CLASP2: variants seen among roughly 807,000 people sequenced by gnomAD.
CLASP2 encodes CLIP-associating protein 2.
CLASP2 carries 47 observed loss-of-function variants against 194.4 expected under a neutral mutation model. The ratio of observed to expected loss-of-function variants is 0.24; its 90% CI spans 0.19 to 0.31. CLASP2 has a LOEUF of 0.31. Ranked by LOEUF, CLASP2 falls within the 10% of genes least tolerant of loss-of-function variation. The probability of loss-of-function intolerance (pLI) is 1.00; values close to 1 mark genes in which losing one functional copy is unlikely to be tolerated. For missense variants in CLASP2, 1,445 were observed against 1,823.6 expected (o/e 0.79, Z 3.78); for synonymous variants, 619 against 633.5 (o/e 0.98, Z 0.34).
chr3:33,684,494 A>G (rs941671541), intron 5 of CLASP2, 38 bp from the exon 6 acceptor site: 2 of 1,340,178 alleles, frequency 1.5e-6, no homozygotes, highest in Non-Finnish European at 2.1e-6. Context: ...AAACTTATAT[A>G]TGATACAATA....
chr3:33,591,362 C>T (rs567589430), intron 21 of CLASP2, among the ~76,000 whole-genome samples: 16 of 152,328 alleles, frequency 1.1e-4, no homozygotes, highest in Non-Finnish European at 7.3e-5. Context: ...CCTGTAATCC[C>T]AGCACTCTGG....
chr3:33,694,300 G>A (rs1181904164), intron 2 of CLASP2, among the ~76,000 whole-genome samples: 2 of 152,206 alleles, frequency 1.3e-5, no homozygotes, highest in Admixed American at 1.3e-4. Context: ...AGTGTTGGGA[G>A]TCAAACTAGA....
intron 38 of CLASP2, among the ~76,000 whole-genome samples, chr3:33,500,564 T>C (rs2046613294): frequency 6.6e-6 from 1 of 151,480 alleles, no homozygotes; most frequent in Non-Finnish European, 1.5e-5. Flanking sequence ...TGCATTTTTC[T>C]ATTTTTTTTA....
intron 30 of CLASP2, among the ~76,000 whole-genome samples, chr3:33,545,962 T>G (rs943534989): frequency 7.9e-5 from 12 of 151,946 alleles, no homozygotes; most frequent in Non-Finnish European, 2.9e-5. Flanking sequence ...CAAAGAAGTG[T>G]AAGTTGTGTG....
chr3:33,659,189 G>A, intron 7 of CLASP2: 2 of 1,369,230 alleles, frequency 1.5e-6, no homozygotes, highest in Non-Finnish European at 1.9e-6. Flanking sequence ...GGGTCTTGCT[G>A]AAAACCCTCG....
Position 33,501,703 on chromosome 3 carries a change from C to A in CLASP2, c.4383G>T (p.Ala1461=), listed in dbSNP as rs111990025. 6.2e-7 allele frequency: 1 copy of A among 1,613,586 alleles called. No homozygotes were observed. Among genetic ancestry groups the A allele is most frequent in the East Asian group, 2.2e-5 (1 of 44,858 alleles). Reference sequence around the variant, plus strand: ...GTGGTTTTAGTTCATCACCAATTACCGCATGAACAGCCACCAGGCAGAAGA... The same window carrying A: ...GTGGTTTTAGTTCATCACCAATTACAGCATGAACAGCCACCAGGCAGAAGA... ...ACVFCLVAVH[A]VIGDELKPHL... is the part of the protein sequence containing the mutation. Residue 1461 remains alanine, a synonymous_variant, in exon 38 of 39, where the codon GCG becomes GCT. Coordinates refer to ENST00000682230, the MANE Select transcript of CLASP2 (RefSeq NM_001365631.1).
intron 37 of CLASP2, chr3:33,505,266 CAAA>C (rs60740364): frequency 0.092 from 13,445 of 146,700 alleles, 694 homozygotes; most frequent in East Asian, 0.18. Context: ...ACAACAACAA[CAAA>C]ACATAACCAC....
rs140902652 is a variant in CLASP2, at chr3:33,687,829, C to G, written c.470+448G>C. ...ACGGCAGCCAGAACTCTACACACAG[C>G]TACCAGCCTCACTGTCCAGTTACCT... On this transcript the variant is annotated intron_variant, in intron 4 of 38. Transcript: ENST00000682230. Among the ~76,000 whole-genome samples, 1,297 of 152,318 alleles carry G rather than the reference C, an allele frequency of 8.5e-3. 20 individuals carry two copies. The highest frequency in any genetic ancestry group is 0.028 in the African/African-American group (1,171 of 41,562).
At chr3:33,708,510 ATATATG>A (rs1380015925) in intron 1 of CLASP2, among the ~76,000 whole-genome samples, 11 of 118,852 alleles carry the variant, frequency 9.3e-5, no homozygotes, top group African/African-American at 4.0e-4. Context: ...ATATATGTAT[ATATATG>A]TATATATGTA....
At chr3:33,623,708 A>T (rs147011460) in intron 10 of CLASP2, among the ~76,000 whole-genome samples, 2 of 152,186 alleles carry the variant, frequency 1.3e-5, no homozygotes, top group African/African-American at 4.8e-5. Context: ...CATCTCCTGG[A>T]TTTTTGTGAA....
chr3:33,606,101 G>A (rs754229524), intron 16 of CLASP2, among the ~76,000 whole-genome samples: 1 of 152,004 alleles, frequency 6.6e-6, no homozygotes, highest in Non-Finnish European at 1.5e-5. Flanking sequence ...ATTTGAGGTA[G>A]CCGTCATCAA....
rs146360861 is a variant in CLASP2, at chr3:33,590,514, T to C, written c.2068+1881A>G. On this transcript the variant is annotated intron_variant, in intron 21 of 38. Transcript: ENST00000682230. ...CACACGTCTTCTAACTACTATGATA[T>C]ACTGCTAAAGATTAAGTTACTCTAA... Among the ~76,000 whole-genome samples the C allele has an allele frequency of 5.3e-5, 8 of 152,292 alleles. No individual in the cohort carries two copies. In the East Asian group the frequency reaches 1.5e-3, roughly 29 times the overall value.
intron 21 of CLASP2, chr3:33,588,856 C>A: frequency 3.3e-6 from 2 of 615,162 alleles, no homozygotes. Context: ...AATTAAAAAA[C>A]CCTAAGGCAA....
At chr3:33,602,290 T>G in intron 18 of CLASP2, 1 of 479,586 alleles carries the variant, frequency 2.1e-6, no homozygotes, top group Non-Finnish European at 3.7e-6. Flanking sequence ...TTGAGTGTCA[T>G]GTTGGTGCTC....
chr3:33,699,793 G>T (rs2092239262), intron 1 of CLASP2, among the ~76,000 whole-genome samples: 1 of 148,942 alleles, frequency 6.7e-6, no homozygotes, highest in Non-Finnish European at 1.5e-5. Flanking sequence ...AATTTATATT[G>T]TACTTACCTG....
chr3:33,712,075 G>A (rs2093041283), intron 1 of CLASP2, among the ~76,000 whole-genome samples: 1 of 152,174 alleles, frequency 6.6e-6, no homozygotes, highest in Non-Finnish European at 1.5e-5. Context: ...CACGTTTATA[G>A]CAGCACAATT....
At chr3:33,561,440 T>C (rs940604251) in intron 27 of CLASP2, among the ~76,000 whole-genome samples, 1 of 152,220 alleles carries the variant, frequency 6.6e-6, no homozygotes, top group African/African-American at 2.4e-5. Flanking sequence ...ATCCTCAGAT[T>C]TCTCAAAATG....
chr3:33,564,479 T>G (rs559866401), intron 27 of CLASP2, among the ~76,000 whole-genome samples: 67 of 152,352 alleles, frequency 4.4e-4, no homozygotes, highest in African/African-American at 1.3e-3. Flanking sequence ...AGAAGACTTC[T>G]CTGAGTTTCC....
intron 1 of CLASP2, among the ~76,000 whole-genome samples, chr3:33,707,981 G>T (rs909189416): frequency 6.6e-6 from 1 of 152,144 alleles, no homozygotes; most frequent in Non-Finnish European, 1.5e-5. Flanking sequence ...GGACTCTGTG[G>T]ATATAATTAA....
Sources: allele counts gnomAD v4.1 joint callset (sites outside exome capture counted in the v4.1 genomes callset), GRCh38; gene constraint gnomAD v4.1.1; transcripts MANE v1.5; gene names NCBI Gene and HGNC (gene_info 2026-07-23, HGNC 2026-07-21).